RNF213: variants seen among roughly 807,000 people sequenced by gnomAD.
RNF213 encodes the protein E3 ubiquitin-protein ligase RNF213.
Under a neutral mutation model 514.4 loss-of-function variants are expected in RNF213, and 341 were observed. The observed-to-expected ratio is 0.66, with a 90% CI of 0.61 to 0.73. The LOEUF (loss-of-function observed/expected upper bound fraction) is 0.73. Among genes scored for constraint, RNF213 ranks in the 30% least tolerant of loss-of-function variants. The probability of loss-of-function intolerance (pLI) is 0.00; values close to 1 mark genes in which losing one functional copy is unlikely to be tolerated. For synonymous variants in RNF213, 2,655 were observed against 2,658.2 expected, an observed-to-expected ratio of 1.00 and a Z score of 0.04; for missense variants, 5,767 against 6,615.6, an observed-to-expected ratio of 0.87 and a Z score of 4.45.
intron 20 of RNF213, 134 bp from the exon 21 acceptor site, chr17:80,331,872 G>A: frequency 1.8e-6 from 2 of 1,086,132 alleles, no homozygotes; most frequent in Non-Finnish European, 2.6e-6. Flanking sequence ...AACTCTTCCT[G>A]AGAAAGAAAT....
chr17:80,332,006 T>C lies in RNF213; in HGVS notation c.3518T>C (p.Val1173Ala), dbSNP rs1279400983. Reference sequence around the variant, plus strand: ...TGACACTTTCTTTTCGCTTCTAAAGTGGACTTTGGAGTGCTTGCAGTAAGA... The same window carrying C: ...TGACACTTTCTTTTCGCTTCTAAAGCGGACTTTGGAGTGCTTGCAGTAAGA... ...MCGNVKHLIQ[V>A]DFGVLAVRHS... The change falls in exon 21 of 68, where the codon GTG (valine) becomes GCG (alanine). Residue 1173 changes from valine to alanine, a missense_variant and splice_region_variant. By Grantham distance (64) the Val-to-Ala change is moderately conservative. Coordinates refer to ENST00000582970, the MANE Select transcript of RNF213 (RefSeq NM_001256071.3). 2.0e-6 allele frequency: 3 copies of C among 1,530,874 alleles called. No individual in the cohort carries two copies. Among genetic ancestry groups the C allele is most frequent in the East Asian group, 2.5e-5 (1 of 40,756 alleles). The allele number at this position is 1,530,874 out of a possible 1,614,324, so 94.8% of individuals were successfully genotyped here. A position where few individuals can be genotyped will look rare whatever the true frequency, so the allele number is the denominator to read the frequency against.
At position 80,298,408 on chromosome 17, in the gene RNF213, C is replaced by G; in HGVS notation, c.2100C>G (p.Cys700Trp). 6.2e-7 allele frequency: 1 copy of G among 1,614,206 alleles called. No individual in the cohort carries two copies. The highest frequency in any genetic ancestry group is 1.1e-5 in the South Asian group (1 of 91,084). ...TGGGCGCCCTGCCTGTCCTGCACTG[C>G]TGTATGGAGCTGGCCCCGCGGCACA... Reference protein sequence around the residue: ...TWLGALPVLHCCMELAPRHKD... With the variant: ...TWLGALPVLHWCMELAPRHKD... Residue 700 changes from cysteine (C) to tryptophan (W), a missense_variant, in exon 11 of 68, where the codon TGC (cysteine) becomes TGG (tryptophan). Physicochemically the swap from Cys to Trp is radical, Grantham distance 215 (BLOSUM62 -2). Around this residue, in one of 13 missense-constraint regions of RNF213, gnomAD observed 592 missense variants for 673.9 expected, o/e 0.88. Transcript: ENST00000582970.
rs751707193 is a variant in RNF213, at chr17:80,295,807, C to T, written c.2006C>T (p.Pro669Leu). 6.2e-7 allele frequency: 1 copy of T among 1,614,072 alleles called. No individual in the cohort carries two copies. The highest frequency in any genetic ancestry group is 1.1e-5 in the South Asian group (1 of 91,070). Residue 669 changes from proline to leucine, a missense_variant, in exon 10 of 68, where the codon CCT (proline) becomes CTT (leucine). By Grantham distance (98) the Pro-to-Leu change is moderately conservative. This residue lies in a region of RNF213 where 592 missense variants were observed against 673.9 expected (regional missense o/e 0.88). Transcript: ENST00000582970. ...HRDLSHILGI[P>L]QSWRLYLVNL... ...GACCTAAGCCACATCCTTGGGATAC[C>T]TCAGAGGTATTATTATTTTTTGTCA...
At chr17:80,304,697 A>G (rs1279379738) in intron 11 of RNF213, among the ~76,000 whole-genome samples, 5 of 152,140 alleles carry the variant, frequency 3.3e-5, no homozygotes, top group Admixed American at 1.3e-4. Flanking sequence ...TTATTGGGGT[A>G]TATCCCTTTT....
chr17:80,354,697 A>G (rs2078665440), intron 36 of RNF213, 121 bp downstream of exon 36: 1 of 1,257,124 alleles, frequency 8.0e-7, no homozygotes, highest in Non-Finnish European at 1.1e-6. Flanking sequence ...CAAACCTCTC[A>G]GCCATTCAAA....
Position 80,339,226 on chromosome 17 carries a change from G to C in RNF213, c.4859G>C (p.Ser1620Thr). Residue 1620 changes from serine (S) to threonine (T), a missense_variant, in exon 26 of 68, where the codon AGC becomes ACC. Ser to Thr is a moderately conservative substitution (Grantham distance 58). Coordinates refer to ENST00000582970, the MANE Select transcript of RNF213 (RefSeq NM_001256071.3). Reference protein sequence around the residue: ...SEVFCSVQRLSQAFIDLHSAG... With the variant: ...SEVFCSVQRLTQAFIDLHSAG... ...GTCTTCTGCAGTGTGCAGAGGCTCA[G>C]CCAGGCCTTCATCGACCTGCACTCT... The C allele has an allele frequency of 6.7e-7, 1 of 1,498,736 alleles. No individual in the cohort carries two copies. Among genetic ancestry groups the C allele is most frequent in the Non-Finnish European group, 8.9e-7 (1 of 1,125,292 alleles). 92.8% of individuals were successfully genotyped at this position (1,498,736 alleles called of 1,614,324 possible).
At chr17:80,296,034 C>A (rs2044930598) in intron 10 of RNF213, among the ~76,000 whole-genome samples, 1 of 151,822 alleles carries the variant, frequency 6.6e-6, no homozygotes, top group South Asian at 2.1e-4. Context: ...TTTTGTTTTC[C>A]CCCCAGACGG....
At chr17:80,358,515 C>CT in intron 37 of RNF213, 36 bp downstream of exon 37, 1 of 1,571,206 alleles carries the variant, frequency 6.4e-7, no homozygotes. Flanking sequence ...GGGAGAGAAA[C>CT]TATCAGAACA....
At position 80,376,364 on chromosome 17, in the gene RNF213, C is replaced by G. The variant is rs200435901; in HGVS notation, c.13249C>G (p.Arg4417Gly). The change falls in exon 52 of 68, where the codon CGT becomes GGT. Residue 4417 changes from arginine to glycine, a missense_variant. Physicochemically the swap from Arg to Gly is moderately radical, Grantham distance 125. Around this residue, in one of 13 missense-constraint regions of RNF213, gnomAD observed 1,245 missense variants for 1,339.0 expected, o/e 0.93. Transcript: ENST00000582970. ...GATCCTTTCACCTCCTGATATCAGC[C>G]GTTTTGCAACATCGCTCGTGGACAA... ...CKILSPPDIS[R>G]FATSLVDNSV... 5 of 1,614,070 alleles carry G rather than the reference C, an allele frequency of 3.1e-6. No individual in the cohort carries two copies. The highest frequency in any genetic ancestry group is 4.2e-6 in the Non-Finnish European group (5 of 1,180,026).
intron 39 of RNF213, 77 bp from the exon 40 acceptor site, chr17:80,363,025 A>G: frequency 1.5e-6 from 2 of 1,321,418 alleles, no homozygotes; most frequent in Non-Finnish European, 2.1e-6. Context: ...GTTTTCCAAT[A>G]GTTCGGATTT....
rs1437417566 is a variant in RNF213, at chr17:80,325,196, G to A, written c.3191G>A (p.Cys1064Tyr). 18 of 1,531,936 alleles carry A rather than the reference G, an allele frequency of 1.2e-5. No homozygotes were observed. In the East Asian group the frequency reaches 4.4e-4, roughly 38 times the overall value. The allele number at this position is 1,531,936 out of a possible 1,614,324, so 94.9% of individuals were successfully genotyped here. A position where few individuals can be genotyped will look rare whatever the true frequency, so the allele number is the denominator to read the frequency against. Residue 1064 changes from cysteine to tyrosine, a missense_variant and splice_region_variant, in exon 18 of 68, where the codon TGT (cysteine) becomes TAT (tyrosine). This residue lies in a region of RNF213 where 516 missense variants were observed against 566.5 expected (regional missense o/e 0.91). Coordinates refer to ENST00000582970, the MANE Select transcript of RNF213 (RefSeq NM_001256071.3). ...LADVKHVFRL[C>Y]GTDEKILANV... ...GATGTCAAGCACGTCTTCAGATTGT[G>A]TGGTATGTTTGCGGGAGTGCTGGGA... is the stretch of plus-strand genomic sequence containing the variant.
At position 80,397,451 on chromosome 17, in the gene RNF213, G is replaced by A. The variant is rs1318279164; in HGVS notation, c.*3953G>A. 1 of 152,088 alleles carries A rather than the reference G, an allele frequency of 6.6e-6. No individual in the cohort carries two copies. Among genetic ancestry groups the A allele is most frequent in the Non-Finnish European group, 1.5e-5 (1 of 68,014 alleles). The allele number at this position is 152,088 out of a possible 1,614,324, so 9.4% of individuals were successfully genotyped here. ...CAGCCTGCACCACACCCTGGGCCTG[G>A]TAGTTAAAGATCGACGCCTGACCTA... On this transcript the variant is annotated 3_prime_UTR_variant, in exon 68 of 68. Transcript: ENST00000582970.
intron 2 of RNF213, 96 bp from the exon 3 acceptor site, chr17:80,273,145 G>T: frequency 6.6e-7 from 1 of 1,504,298 alleles, no homozygotes; most frequent in Admixed American, 1.7e-5. Context: ...AGAACAGGGT[G>T]AATCTCTCCA....
At chr17:80,334,325 C>T in intron 22 of RNF213, 55 bp downstream of exon 22, 1 of 1,486,768 alleles carries the variant, frequency 6.7e-7, no homozygotes, top group Non-Finnish European at 8.9e-7. Flanking sequence ...TCAGATGGCG[C>T]ACTGTGTGGC....
chr17:80,318,710 A>G (rs2046030524), intron 16 of RNF213, among the ~76,000 whole-genome samples: 1 of 151,982 alleles, frequency 6.6e-6, no homozygotes. Context: ...AGTAGCTGGG[A>G]CTACAGGCGC....
rs1021776515 is a variant in RNF213, at chr17:80,263,108, G to A, written c.-108-466G>A. The stretch of plus-strand genomic sequence containing the variant: ...TTGGTCTGGTTTGATGCCATCCACC[G>A]CAGAGGCTGTTCTGAGGGCAGGTGG... On this transcript the variant is annotated intron_variant, in intron 1 of 67. Transcript: ENST00000582970. This position sits in a 1 kb window ranked among gnomAD's most constrained non-coding sequence, Gnocchi z 4.9. Among the ~76,000 whole-genome samples, 4 of 152,174 alleles carry A rather than the reference G, an allele frequency of 2.6e-5. No individual in the cohort carries two copies. The highest frequency in any genetic ancestry group is 5.9e-5 in the Non-Finnish European group (4 of 68,016).
intron 16 of RNF213, 37 bp from the exon 17 acceptor site, chr17:80,319,153 C>T (rs749784001): frequency 5.5e-5 from 88 of 1,613,956 alleles, no homozygotes; most frequent in Non-Finnish European, 6.3e-5. Flanking sequence ...GCGCTGCATC[C>T]GAAAGCTCTG....
chr17:80,332,038 C>T lies in RNF213; in HGVS notation c.3550C>T (p.Gln1184Ter). The change falls in exon 21 of 68, where the codon CAA (glutamine) becomes TAA (stop). Residue 1184 changes from glutamine to a stop codon, truncating the protein, a stop_gained. Transcript: ENST00000582970. LOFTEE classifies it high-confidence loss of function. Reference sequence around the variant, plus strand: ...TGGAGTGCTTGCAGTAAGACACTCACAAGACCTCAGCAGTAAAAGATTAAA... The same window carrying T: ...TGGAGTGCTTGCAGTAAGACACTCATAAGACCTCAGCAGTAAAAGATTAAA... Reference protein sequence around the residue: ...DFGVLAVRHSQDLSSKRLNDT... With the variant: ...DFGVLAVRHS 2 of 1,537,060 alleles carry T rather than the reference C, an allele frequency of 1.3e-6. No homozygotes were observed. The highest frequency in any genetic ancestry group is 1.7e-6 in the Non-Finnish European group (2 of 1,146,882).
intron 2 of RNF213, among the ~76,000 whole-genome samples, chr17:80,269,504 TTCTA>T (rs780063416): frequency 4.4e-4 from 67 of 151,868 alleles, no homozygotes; most frequent in East Asian, 9.8e-4. Flanking sequence ...CATTCATCTA[TTCTA>T]TCTATCCATC....
Sources: allele counts gnomAD v4.1 joint callset (sites outside exome capture counted in the v4.1 genomes callset), GRCh38; gene constraint gnomAD v4.1.1; regional missense constraint gnomAD v4.1.1; non-coding constraint Gnocchi (gnomAD v3.1); transcripts MANE v1.5; gene names NCBI Gene and HGNC (gene_info 2026-07-23, HGNC 2026-07-21).